The following ACVR1 variants were observed in gnomAD, a reference collection of about 807,000 sequenced individuals.
The protein encoded by ACVR1 is activin receptor type-1.
In ACVR1, 38 loss-of-function variants were observed where a neutral mutation model predicts 57.1. That is an observed-to-expected ratio of 0.67 (90% CI 0.51 to 0.87). ACVR1 has a LOEUF of 0.87. Ranked by LOEUF, ACVR1 falls within the 40% of genes least tolerant of loss-of-function variation. The probability of loss-of-function intolerance (pLI) is 0.00; values close to 1 mark genes in which losing one functional copy is unlikely to be tolerated. For missense variants in ACVR1, 463 were observed against 638.2 expected (o/e 0.73, Z 2.96); for synonymous variants, 212 against 228.1 (o/e 0.93, Z 0.63).
At chr2:157,753,861 C>T (rs1194576835) in intron 9 of ACVR1, among the ~76,000 whole-genome samples, 3 of 152,102 alleles carry the variant, frequency 2.0e-5, no homozygotes, top group African/African-American at 7.2e-5. Flanking sequence ...TGATAGGCCA[C>T]AAAACAAGTC....
chr2:157,757,021 G>GATATATATATATATTTGATATAT (rs1685461145), intron 9 of ACVR1, among the ~76,000 whole-genome samples: 3 of 106,434 alleles, frequency 2.8e-5, no homozygotes, highest in African/African-American at 1.5e-4. Flanking sequence ...ATATATATTT[G>GATATATATATATATTTGATATAT]ATATATATAT....
At chr2:157,860,019 G>A (rs1365592665) in intron 1 of ACVR1, 1 of 151,964 alleles carries the variant, frequency 6.6e-6, no homozygotes, top group Admixed American at 6.6e-5. Context: ...CATACCCCAA[G>A]GGCCAATACA....
chr2:157,761,725 T>A (rs754899993), intron 8 of ACVR1, among the ~76,000 whole-genome samples: 10 of 152,214 alleles, frequency 6.6e-5, no homozygotes, highest in Non-Finnish European at 1.2e-4. Context: ...CATGACTCAT[T>A]CCAGAATTCC....
At chr2:157,826,693 G>A (rs1688366782) in intron 1 of ACVR1, 1 of 70,642 alleles carries the variant, frequency 1.4e-5, no homozygotes, top group Middle Eastern at 8.9e-3. Flanking sequence ...AAGAAAAAGA[G>A]AGAGAAGGAA....
In ACVR1 at chr2:157,850,811, G is replaced by T. The variant is rs180858579; in HGVS notation, c.-183+24985C>A. On this transcript the variant is annotated intron_variant, in intron 1 of 10. Coordinates refer to ENST00000434821, the MANE Select transcript of ACVR1 (RefSeq NM_001111067.4). ...GTCTCTACTAAAAATACAAAAGTTA[G>T]CTGGGTGTGGTGGTGCACATCTGTA... 4.3e-4 allele frequency among the ~76,000 whole-genome samples: 66 copies of T among 152,216 alleles called. 1 individual carries two copies. Among genetic ancestry groups the T allele is most frequent in the Non-Finnish European group, 4.9e-4 (33 of 68,010 alleles).
intron 2 of ACVR1, among the ~76,000 whole-genome samples, chr2:157,813,126 C>A (rs1687808371): frequency 6.6e-6 from 1 of 151,648 alleles, no homozygotes; most frequent in South Asian, 2.1e-4. Context: ...AACACAAACA[C>A]ACACACACAA....
intron 4 of ACVR1, 25 bp from the exon 5 acceptor site, chr2:157,778,367 A>G: frequency 2.5e-6 from 4 of 1,585,188 alleles, no homozygotes; most frequent in Non-Finnish European, 3.5e-6. Context: ...AAAAGGGGGA[A>G]TTAGTTGTAA....
chr2:157,775,850 G>A (rs992507075), intron 5 of ACVR1, among the ~76,000 whole-genome samples: 5 of 152,128 alleles, frequency 3.3e-5, no homozygotes, highest in African/African-American at 7.2e-5. Flanking sequence ...ACTAACAAAC[G>A]TATATCCCAA....
intron 1 of ACVR1, among the ~76,000 whole-genome samples, chr2:157,874,466 G>C (rs532059343): frequency 1.2e-4 from 19 of 152,328 alleles, no homozygotes; most frequent in African/African-American, 4.3e-4. Flanking sequence ...CACAAGTCTA[G>C]TGTCTGCTGG....
Position 157,778,241 on chromosome 2 carries a change from C to G in ACVR1, c.433G>C (p.Ala145Pro). 1 of 1,614,018 alleles carries G rather than the reference C, an allele frequency of 6.2e-7. No individual in the cohort carries two copies. The highest frequency in any genetic ancestry group is 8.5e-7 in the Non-Finnish European group (1 of 1,180,006). ...TTGCGCCTTTTAAATTTTCGGAGAG[C>G]AACTCCCAGCAGGCAGGCTAAAAGA... is the stretch of plus-strand genomic sequence containing the variant. Reference protein sequence around the residue: ...VCLLACLLGVALRKFKRRNQE... With the variant: ...VCLLACLLGVPLRKFKRRNQE... Residue 145 changes from alanine (A) to proline (P), a missense_variant, in exon 5 of 11, where the codon GCT becomes CCT. Ala to Pro is a conservative substitution (Grantham distance 27, BLOSUM62 -1). Around this residue, in one of 3 missense-constraint regions of ACVR1, gnomAD observed 203 missense variants for 235.5 expected, o/e 0.86. Coordinates refer to ENST00000434821, the MANE Select transcript of ACVR1 (RefSeq NM_001111067.4).
chr2:157,781,963 C>T (rs10933441), intron 3 of ACVR1, among the ~76,000 whole-genome samples: 11,683 of 152,228 alleles, frequency 0.077, 826 homozygotes, highest in East Asian at 0.39. Context: ...CACATAGAGG[C>T]TGCCTTCTAA....
At chr2:157,847,378 T>C (rs1202159076) in intron 1 of ACVR1, among the ~76,000 whole-genome samples, 1 of 152,054 alleles carries the variant, frequency 6.6e-6, no homozygotes, top group African/African-American at 2.4e-5. Context: ...ATGTTGATAA[T>C]ATCAAAAAAA....
At chr2:157,746,706 T>A (rs1178167279) in intron 9 of ACVR1, among the ~76,000 whole-genome samples, 2 of 152,262 alleles carry the variant, frequency 1.3e-5, no homozygotes, top group African/African-American at 4.8e-5. Flanking sequence ...TTCAGTACTC[T>A]AGGTGACTGT....
chr2:157,809,501 A>T (rs1687672747), intron 2 of ACVR1, among the ~76,000 whole-genome samples: 1 of 152,116 alleles, frequency 6.6e-6, no homozygotes. Context: ...GCATCCAAGT[A>T]ACCACAACAG....
chr2:157,758,533 C>T (rs1008157861), intron 9 of ACVR1, among the ~76,000 whole-genome samples: 1 of 151,956 alleles, frequency 6.6e-6, no homozygotes, highest in Non-Finnish European at 1.5e-5. Context: ...GCACCCAACA[C>T]TGGAGCATTT....
chr2:157,747,915 T>C (rs1685035162), intron 9 of ACVR1, among the ~76,000 whole-genome samples: 1 of 152,162 alleles, frequency 6.6e-6, no homozygotes, highest in South Asian at 2.1e-4. Flanking sequence ...TCAAACCACA[T>C]TACAGCACAG....
intron 1 of ACVR1, among the ~76,000 whole-genome samples, chr2:157,830,302 C>A (rs966389102): frequency 1.3e-5 from 2 of 151,896 alleles, no homozygotes; most frequent in Middle Eastern, 6.3e-3. Flanking sequence ...AGAAAAGATA[C>A]CATCCAAGAG....
chr2:157,761,064 C>G lies in ACVR1; in HGVS notation c.1080G>C (p.Met360Ile). The change falls in exon 9 of 11, where the codon ATG (methionine) becomes ATC (isoleucine). Residue 360 changes from methionine to isoleucine, a missense_variant. Around this residue, in one of 3 missense-constraint regions of ACVR1, gnomAD observed 114 missense variants for 216.2 expected, o/e 0.53. Transcript: ENST00000434821. Reference protein sequence around the residue: ...CCIADLGLAVMHSQSTNQLDV... With the variant: ...CCIADLGLAVIHSQSTNQLDV... Reference sequence around the variant, plus strand: ...CAAGCTGATTGGTGCTCTGGGAATGCATGACTGCCAGGCCTGAAAGGAAGA... The same window carrying G: ...CAAGCTGATTGGTGCTCTGGGAATGGATGACTGCCAGGCCTGAAAGGAAGA... 1 of 1,613,950 alleles carries G rather than the reference C, an allele frequency of 6.2e-7. No individual in the cohort carries two copies. Among genetic ancestry groups the G allele is most frequent in the East Asian group, 2.2e-5 (1 of 44,868 alleles).
intron 1 of ACVR1, among the ~76,000 whole-genome samples, chr2:157,846,767 C>T (rs892752626): frequency 2.0e-5 from 3 of 152,142 alleles, no homozygotes; most frequent in African/African-American, 7.2e-5. Context: ...TAGATTTGTA[C>T]ACTTCACTGT....
Sources: gnomAD v4.1 joint callset for allele counts (sites outside exome capture counted in the v4.1 genomes callset) on GRCh38, gnomAD v4.1.1 for gene constraint, gnomAD v4.1.1 regional missense constraint, MANE v1.5 for transcripts, NCBI Gene and HGNC (gene_info 2026-07-23, HGNC 2026-07-21) for gene names.